The following CERS4 variants were observed in gnomAD, a reference collection of about 807,000 sequenced individuals.
CERS4 encodes ceramide synthase 4, also known as LAG1 homolog, ceramide synthase 4.
A neutral mutation model predicts 51.8 loss-of-function variants in CERS4; 65 were observed. That is an observed-to-expected ratio of 1.26 (90% confidence interval 1.03 to 1.54). The LOEUF (loss-of-function observed/expected upper bound fraction) is 1.54, where lower values mean the gene tolerates loss of function less well. CERS4 is among the 40% of genes most tolerant of loss of function. The pLI is 0.00. For missense variants in CERS4, 563 were observed against 500.4 expected, an observed-to-expected ratio of 1.13 and a Z score of -1.19; for synonymous variants, 228 against 208.4, an observed-to-expected ratio of 1.09 and a Z score of -0.81.
intron 3 of CERS4, among the ~76,000 whole-genome samples, chr19:8,252,125 C>T (rs895607802): frequency 1.3e-5 from 2 of 151,492 alleles, no homozygotes; most frequent in African/African-American, 2.4e-5. Flanking sequence ...AATCCCAGCA[C>T]TTTGGGAGGC....
chr19:8,249,587 A>ATTTTTTTTTTTT (rs869119452), intron 2 of CERS4, among the ~76,000 whole-genome samples: 3 of 91,378 alleles, frequency 3.3e-5, no homozygotes, highest in African/African-American at 4.3e-5. Context: ...GGAACTCTGG[A>ATTTTTTTTTTTT]TTTTTTTTTT....
chr19:8,236,372 T>C (rs1357050789), intron 2 of CERS4, among the ~76,000 whole-genome samples: 1 of 152,120 alleles, frequency 6.6e-6, no homozygotes, highest in Non-Finnish European at 1.5e-5. Flanking sequence ...AGGTGTTTCT[T>C]AAACTTTCCC....
chr19:8,234,077 C>G (rs139702619), intron 2 of CERS4, among the ~76,000 whole-genome samples: 1 of 151,712 alleles, frequency 6.6e-6, no homozygotes, highest in Non-Finnish European at 1.5e-5. Flanking sequence ...GAGGCCGAGG[C>G]GGGCGGATCA....
At chr19:8,261,638 G>T (rs371201164) in intron 10 of CERS4, 50 bp from the exon 11 acceptor site, 3 of 1,607,356 alleles carry the variant, frequency 1.9e-6, no homozygotes, top group African/African-American at 2.7e-5. Context: ...AGGACTGGGG[G>T]CTACAGCGGC....
At chr19:8,231,774 G>A (rs575499762) in intron 2 of CERS4, among the ~76,000 whole-genome samples, 7 of 150,402 alleles carry the variant, frequency 4.7e-5, no homozygotes, top group South Asian at 2.1e-4. Context: ...GGATGGTCTC[G>A]ATTTCCTGAC....
intron 2 of CERS4, among the ~76,000 whole-genome samples, chr19:8,225,888 T>TTGTTCATC (rs1967767366): frequency 1.3e-5 from 2 of 151,896 alleles, no homozygotes; most frequent in South Asian, 4.2e-4. Flanking sequence ...AAGACTCAGT[T>TTGTTCATC]TGTTCATCTG....
chr19:8,241,661 G>A (rs1968544026), intron 2 of CERS4, among the ~76,000 whole-genome samples: 1 of 152,130 alleles, frequency 6.6e-6, no homozygotes, highest in South Asian at 2.1e-4. Flanking sequence ...ATGTGGAAGA[G>A]GGGCTATTGT....
chr19:8,248,974 A>C (rs1164175649), intron 2 of CERS4, among the ~76,000 whole-genome samples: 3 of 146,190 alleles, frequency 2.1e-5, no homozygotes, highest in African/African-American at 7.6e-5. Flanking sequence ...AGATGTTTTG[A>C]TGAATTAACA....
At chr19:8,260,600 TTTTG>T (rs916264339) in intron 10 of CERS4, among the ~76,000 whole-genome samples, 4 of 151,588 alleles carry the variant, frequency 2.6e-5, no homozygotes, top group Admixed American at 6.6e-5. Flanking sequence ...AGAGTGAGCT[TTTTG>T]TTTTTTTCTT....
intron 2 of CERS4, among the ~76,000 whole-genome samples, chr19:8,247,102 G>T (rs2145270810): frequency 6.6e-6 from 1 of 152,334 alleles, no homozygotes; most frequent in South Asian, 2.1e-4. Context: ...CAAGGTGGAG[G>T]TTGCAGTGAG....
chr19:8,259,060 G>A (rs902365896), intron 10 of CERS4, among the ~76,000 whole-genome samples: 1 of 152,104 alleles, frequency 6.6e-6, no homozygotes, highest in African/African-American at 2.4e-5. Flanking sequence ...CTTGAACCCA[G>A]GAGGCAGAGG....
intron 8 of CERS4, 40 bp downstream of exon 8, chr19:8,256,750 C>CGGGATGCT (rs745374254): frequency 1.4e-5 from 23 of 1,597,778 alleles, no homozygotes; most frequent in South Asian, 2.3e-5. Flanking sequence ...AGTCTCTGGC[C>CGGGATGCT]GGGATGCTGG....
chr19:8,247,354 C>G (rs546827429), intron 2 of CERS4, among the ~76,000 whole-genome samples: 1 of 152,176 alleles, frequency 6.6e-6, no homozygotes, highest in South Asian at 2.1e-4. Flanking sequence ...GGCCTTTGCA[C>G]CTGCTGCGTA....
chr19:8,248,448 A>G (rs1968885759), intron 2 of CERS4, among the ~76,000 whole-genome samples: 1 of 151,736 alleles, frequency 6.6e-6, no homozygotes, highest in African/African-American at 2.4e-5. Flanking sequence ...ATGGATGATG[A>G]GCGGATAGAT....
intron 2 of CERS4, among the ~76,000 whole-genome samples, chr19:8,246,370 A>G (rs530750342): frequency 1.3e-5 from 2 of 151,824 alleles, no homozygotes; most frequent in African/African-American, 2.4e-5. Context: ...CAGCCTGGAT[A>G]ACATAGGGAG....
chr19:8,219,825 A>G (rs904415894), intron 2 of CERS4, among the ~76,000 whole-genome samples: 1 of 151,948 alleles, frequency 6.6e-6, no homozygotes. Flanking sequence ...GTTTCAAAAA[A>G]AAAAAATTAG....
chr19:8,261,281 G>A, intron 10 of CERS4: 2 of 184,354 alleles, frequency 1.1e-5, no homozygotes, highest in Non-Finnish European at 2.3e-5. Flanking sequence ...TGTCTTCCTG[G>A]GAGATGAGGC....
intron 6 of CERS4, 90 bp downstream of exon 6, chr19:8,255,969 A>G (rs991280855): frequency 6.5e-6 from 9 of 1,394,800 alleles, no homozygotes; most frequent in Non-Finnish European, 9.1e-6. Context: ...TGGTGCAGCC[A>G]GAGAGGAAAA....
chr19:8,256,606 G>C lies in CERS4; in HGVS notation c.520-12G>C. 1 of 1,608,214 alleles carries C rather than the reference G, an allele frequency of 6.2e-7. No individual in the cohort carries two copies. The highest frequency in any genetic ancestry group is 8.5e-7 in the Non-Finnish European group (1 of 1,177,586). On this transcript the variant is annotated splice_polypyrimidine_tract_variant and intron_variant, in intron 7 of 11. Coordinates refer to ENST00000251363, the MANE Select transcript of CERS4 (RefSeq NM_024552.3). ...CGCTCCCCACAGCTAACCTTGTCCT[G>C]TCCTGCTGCAGACTCTGAAGCCATC...
Sources: allele counts gnomAD v4.1 joint callset (sites outside exome capture counted in the v4.1 genomes callset), GRCh38; gene constraint gnomAD v4.1.1; transcripts MANE v1.5; gene names NCBI Gene and HGNC (gene_info 2026-07-23, HGNC 2026-07-21).